STXBP3: variants seen among roughly 807,000 people sequenced by gnomAD.
STXBP3 encodes syntaxin-binding protein 3.
Under a neutral mutation model 85.7 loss-of-function variants are expected in STXBP3, and 41 were observed. The ratio of observed to expected loss-of-function variants is 0.48; its 90% CI spans 0.37 to 0.62. The LOEUF is 0.62. Among genes scored for constraint, STXBP3 ranks in the 20% least tolerant of loss-of-function variants. The pLI, the probability that STXBP3 is intolerant of heterozygous loss-of-function variation, is 0.00. For synonymous variants in STXBP3, 229 were observed against 231.7 expected (o/e 0.99, Z 0.10); for missense variants, 563 against 703.1 (o/e 0.80, Z 2.25).
rs1041007641 is a variant in STXBP3, at chr1:108,782,611, A to G, written c.906-38A>G. 8.1e-6 allele frequency: 13 copies of G among 1,599,064 alleles called. No homozygotes were observed. The African/African-American group carries it at 1.8e-4, about 22-fold the overall frequency. On this transcript the variant is annotated intron_variant, in intron 10 of 18. Coordinates refer to ENST00000370008, the MANE Select transcript of STXBP3 (RefSeq NM_007269.4). ...TTAAAATAGTTCTGTAAAGAATTAC[A>G]TCTTAGAAATTTAAAGAATTCTCTC...
At chr1:108,757,614 T>C (rs1018998029) in intron 4 of STXBP3, among the ~76,000 whole-genome samples, 3 of 152,034 alleles carry the variant, frequency 2.0e-5, no homozygotes, top group Non-Finnish European at 4.4e-5. Context: ...TATGTGTGTG[T>C]GCATTCTGGC....
intron 13 of STXBP3, among the ~76,000 whole-genome samples, 188 bp downstream of exon 13, chr1:108,795,095 G>GT (rs1431924641): frequency 6.6e-6 from 1 of 152,114 alleles, no homozygotes; most frequent in African/African-American, 2.4e-5. Context: ...TAGCTGTAGA[G>GT]TATCTTAGTA....
intron 6 of STXBP3, among the ~76,000 whole-genome samples, chr1:108,765,270 T>C (rs1662235956): frequency 2.6e-5 from 4 of 152,232 alleles, no homozygotes; most frequent in Admixed American, 2.6e-4. Flanking sequence ...TTGCAAAACC[T>C]TCTTTTCTGT....
intron 1 of STXBP3, among the ~76,000 whole-genome samples, chr1:108,747,151 C>T (rs1208044833): frequency 4.2e-5 from 1 of 23,812 alleles, no homozygotes; most frequent in Non-Finnish European, 1.6e-4. Flanking sequence ...CGCGCTCCAC[C>T]AGTTGGGGAT....
rs114202857 is a variant in STXBP3 at position 108,770,377 on chromosome 1, C to T, written c.439-2288C>T. 9.1e-3 allele frequency among the ~76,000 whole-genome samples: 1,386 copies of T among 152,180 alleles called. 13 individuals carry two copies. The highest frequency in any genetic ancestry group is 0.015 in the Non-Finnish European group (990 of 68,006). ...AGTGGGAGGGAGAAGCCTTGGGCGG[C>T]CGTGCGATAAATGTTTTTAATCGAA... On this transcript the variant is annotated intron_variant, in intron 6 of 18. Coordinates refer to ENST00000370008, the MANE Select transcript of STXBP3 (RefSeq NM_007269.4).
At chr1:108,799,648 ACACCTAACCATAAAAAAAATGTGAG>A (rs936901324) in intron 16 of STXBP3, among the ~76,000 whole-genome samples, 5 of 152,170 alleles carry the variant, frequency 3.3e-5, no homozygotes, top group African/African-American at 1.2e-4. Context: ...CAGTTCATGC[ACACCTAACCATAAAAAAAATGTGAG>A]CATGAACCTA....
chr1:108,776,510 G>A (rs1662597557), intron 8 of STXBP3, 87 bp downstream of exon 8: 12 of 971,050 alleles, frequency 1.2e-5, no homozygotes, highest in Non-Finnish European at 1.8e-5. Flanking sequence ...TCATTTTCTA[G>A]TATTGATTTG....
chr1:108,751,939 T>C (rs1004642995), intron 1 of STXBP3, among the ~76,000 whole-genome samples: 2 of 152,190 alleles, frequency 1.3e-5, no homozygotes, highest in African/African-American at 4.8e-5. Context: ...TCATCTTGTT[T>C]TACTTGGGAT....
intron 17 of STXBP3, among the ~76,000 whole-genome samples, chr1:108,804,413 T>C (rs1430862175): frequency 1.3e-5 from 2 of 152,226 alleles, no homozygotes; most frequent in Non-Finnish European, 2.9e-5. Flanking sequence ...TTTGTCATAC[T>C]CTCTATCCTC....
At chr1:108,748,331 G>C (rs952138814) in intron 1 of STXBP3, among the ~76,000 whole-genome samples, 19 of 151,884 alleles carry the variant, frequency 1.3e-4, no homozygotes, top group Admixed American at 1.2e-3. Context: ...CCTAGGAGTG[G>C]GCAACAAAGT....
chr1:108,769,762 C>A (rs979039488), intron 6 of STXBP3, among the ~76,000 whole-genome samples: 2 of 152,102 alleles, frequency 1.3e-5, no homozygotes, highest in Non-Finnish European at 2.9e-5. Flanking sequence ...TATTAGATAG[C>A]TTAGATTAAT....
chr1:108,752,085 G>T (rs1661917022), intron 1 of STXBP3, among the ~76,000 whole-genome samples, 172 bp from the exon 2 acceptor site: 1 of 152,096 alleles, frequency 6.6e-6, no homozygotes, highest in Non-Finnish European at 1.5e-5. Flanking sequence ...TAAATGTACT[G>T]TATAGGCTAG....
intron 6 of STXBP3, chr1:108,767,140 GAC>G: frequency 3.3e-6 from 1 of 303,372 alleles, no homozygotes; most frequent in South Asian, 3.0e-5. Context: ...ACATAGGACT[GAC>G]AGACACAAGC....
At position 108,771,541 on chromosome 1, in the gene STXBP3, CATATATAAATATATATG is replaced by C. The variant is rs1557805639; in HGVS notation, c.439-1099_439-1083del. Among the ~76,000 whole-genome samples, 14 of 57,048 alleles carry C rather than the reference CATATATAAATATATATG, an allele frequency of 2.5e-4. 2 individuals carry two copies. The highest frequency in any genetic ancestry group is 6.7e-4 in the African/African-American group (8 of 11,996). 37.4% of individuals were successfully genotyped at this position (57,048 alleles called of 152,430 possible). Reference sequence around the variant, plus strand: ...ATATATGATATATATCTATATATATCATATATAAATATATATGATATATAAATATATATGATATATAT... The same window carrying C: ...ATATATGATATATATCTATATATATCATATATAAATATATATGATATATAT... On this transcript the variant is annotated intron_variant, in intron 6 of 18. Coordinates refer to ENST00000370008, the MANE Select transcript of STXBP3 (RefSeq NM_007269.4).
intron 12 of STXBP3, 72 bp from the exon 13 acceptor site, chr1:108,794,754 CA>C (rs1357551253): frequency 7.3e-7 from 1 of 1,377,098 alleles, no homozygotes; most frequent in African/African-American, 1.4e-5. Flanking sequence ...AGGCCTGTCT[CA>C]AAAGTTTAAT....
At chr1:108,792,648 A>G (rs1663001349) in intron 11 of STXBP3, among the ~76,000 whole-genome samples, 1 of 152,180 alleles carries the variant, frequency 6.6e-6, no homozygotes, top group African/African-American at 2.4e-5. Context: ...TCACTTGAGT[A>G]TCAATCACTT....
chr1:108,782,627 GA>G lies in STXBP3; in HGVS notation c.906-20del, dbSNP rs1351143226. On this transcript the variant is annotated intron_variant, in intron 10 of 18. Coordinates refer to ENST00000370008, the MANE Select transcript of STXBP3 (RefSeq NM_007269.4). ...AAGAATTACATCTTAGAAATTTAAA[GA>G]ATTCTCTCACAATTTGACAGGGAAA... 1.9e-6 allele frequency: 3 copies of G among 1,602,234 alleles called. No individual in the cohort carries two copies. The Admixed American group carries it at 5.2e-5, about 28-fold the overall frequency.
At chr1:108,751,801 A>G (rs1193386410) in intron 1 of STXBP3, among the ~76,000 whole-genome samples, 1 of 152,154 alleles carries the variant, frequency 6.6e-6, no homozygotes, top group Non-Finnish European at 1.5e-5. Context: ...TGGTATCCAA[A>G]TGCTGTGATA....
chr1:108,759,966 TG>T lies in STXBP3; in HGVS notation c.338-18del. On this transcript the variant is annotated intron_variant, in intron 5 of 18. Transcript: ENST00000370008. ...AAAATCTAGATGTAACTATATGCTT[TG>T]TTTTTTTTTCCCCTCAGTTTGCCCT... 2 of 1,419,674 alleles carry T rather than the reference TG, an allele frequency of 1.4e-6. No individual in the cohort carries two copies. The highest frequency in any genetic ancestry group is 2.6e-5 in the South Asian group (2 of 77,150). 87.9% of individuals were successfully genotyped at this position (1,419,674 alleles called of 1,614,324 possible). A position where few individuals can be genotyped will look rare whatever the true frequency, so the allele number is the denominator to read the frequency against.
Sources: allele counts gnomAD v4.1 joint callset (sites outside exome capture counted in the v4.1 genomes callset), GRCh38; gene constraint gnomAD v4.1.1; transcripts MANE v1.5; gene names NCBI Gene and HGNC (gene_info 2026-07-23, HGNC 2026-07-21).